The following FER1L5 variants were observed in gnomAD, a reference collection of about 807,000 sequenced individuals.
The protein encoded by FER1L5 is fer-1-like protein 5.
FER1L5 carries 187 observed loss-of-function variants against 279.9 expected under a neutral mutation model. The observed-to-expected ratio is 0.67, with a 90% CI of 0.59 to 0.75. The LOEUF is 0.75. Ranked by LOEUF, FER1L5 falls within the 30% of genes least tolerant of loss-of-function variation. The pLI is 0.00. For missense variants in FER1L5, 2,091 were observed against 2,594.4 expected (o/e 0.81, Z 4.21); for synonymous variants, 921 against 989.7 (o/e 0.93, Z 1.30).
chr2:96,662,402 A>C lies in FER1L5; in HGVS notation c.1071+135A>C, dbSNP rs1332074466. 9 of 817,248 alleles carry C rather than the reference A, an allele frequency of 1.1e-5. No homozygotes were observed. In the East Asian group the frequency reaches 2.4e-4, roughly 22 times the overall value. The allele number at this position is 817,248 out of a possible 1,614,324, so 50.6% of individuals were successfully genotyped here. ...CACTGAGAGAAGTATGCACCCCTGC[A>C]CCTGGAACTCTGTGCAGGCGGAGGC... On this transcript the variant is annotated intron_variant, in intron 13 of 52. Coordinates refer to ENST00000624922, the MANE Select transcript of FER1L5 (RefSeq NM_001293083.2).
chr2:96,703,903 C>G (rs1399249867), intron 51 of FER1L5, among the ~76,000 whole-genome samples: 1 of 149,984 alleles, frequency 6.7e-6, no homozygotes, highest in African/African-American at 2.5e-5. Flanking sequence ...GCAACCTCTG[C>G]CTCCTGGGTT....
In FER1L5 at chr2:96,647,853, G is replaced by C; in HGVS notation, c.306G>C (p.Leu102Phe). ...QPSEVLFVKD[L>F]TLLNHSMKPT... ...GTGAGGTCCTTTTTGTGAAGGACTT[G>C]ACCCTGCTCAACCATTCCATGAAGC... The change falls in exon 4 of 53, where the codon TTG becomes TTC. Residue 102 changes from leucine to phenylalanine, a missense_variant. Leu to Phe is a conservative substitution (Grantham distance 22). Transcript: ENST00000624922. The C allele has an allele frequency of 1.3e-6, 2 of 1,551,810 alleles. No individual in the cohort carries two copies. The highest frequency in any genetic ancestry group is 2.4e-5 in the South Asian group (2 of 84,060).
intron 13 of FER1L5, 57 bp from the exon 14 acceptor site, chr2:96,663,382 G>T: frequency 6.7e-7 from 1 of 1,485,664 alleles, no homozygotes; most frequent in Admixed American, 2.0e-5. Flanking sequence ...TGGAAGGTGA[G>T]GTCAGTGGAG....
chr2:96,659,425 CTTT>C (rs2075822107), intron 9 of FER1L5, among the ~76,000 whole-genome samples: 1 of 10,898 alleles, frequency 9.2e-5, no homozygotes, highest in East Asian at 2.1e-3. Context: ...TTCTTTCTTT[CTTT>C]CTTTCTTTCT....
At chr2:96,704,385 A>T (rs767427297) in intron 52 of FER1L5, 23 bp downstream of exon 52, 1 of 1,613,202 alleles carries the variant, frequency 6.2e-7, no homozygotes, top group East Asian at 2.2e-5. Flanking sequence ...CATGGGGGCA[A>T]GGACAAAGGT....
At chr2:96,686,892 C>T (rs1281660629) in intron 23 of FER1L5, among the ~76,000 whole-genome samples, 1 of 150,220 alleles carries the variant, frequency 6.7e-6, no homozygotes, top group East Asian at 1.9e-4. Flanking sequence ...GAAAACAAAT[C>T]CACCTCCTCT....
chr2:96,698,576 C>T lies in FER1L5; in HGVS notation c.4357-95C>T, dbSNP rs896694435. ...TCCCTGCCACCCTCAGCCCAACCCT[C>T]TCTCTCCTGAACATGGGCTGGGGCA... On this transcript the variant is annotated intron_variant, in intron 40 of 52. Transcript: ENST00000624922. The surrounding 1 kb of genome is among the most constrained non-coding windows in gnomAD (Gnocchi z 5.5). The T allele has an allele frequency of 1.0e-5, 11 of 1,084,956 alleles. No individual in the cohort carries two copies. The highest frequency in any genetic ancestry group is 3.0e-5 in the South Asian group (2 of 66,624). The allele number at this position is 1,084,956 out of a possible 1,614,324, so 67.2% of individuals were successfully genotyped here. A position where few individuals can be genotyped will look rare whatever the true frequency, so the allele number is the denominator to read the frequency against.
chr2:96,651,235 T>C (rs1036109194), intron 6 of FER1L5, among the ~76,000 whole-genome samples: 8 of 139,484 alleles, frequency 5.7e-5, no homozygotes, highest in African/African-American at 1.9e-4. Flanking sequence ...CTTTCTTTCT[T>C]TCTCTTTCTT....
In FER1L5 at chr2:96,691,682, G is replaced by GCCTGC; in HGVS notation, c.3075+71_3075+72insCTGCC. ...CCCAGAGAAGCCAGGGCCTGGCCTG[G>GCCTGC]CTGGGGCGCTGACTGCGGAGGAAGG... On this transcript the variant is annotated intron_variant, in intron 29 of 52. Coordinates refer to ENST00000624922, the MANE Select transcript of FER1L5 (RefSeq NM_001293083.2). The surrounding 1 kb of genome is among the most constrained non-coding windows in gnomAD (Gnocchi z 6.0). The GCCTGC allele has an allele frequency of 6.5e-7, 1 of 1,529,344 alleles. No individual in the cohort carries two copies. Among genetic ancestry groups the GCCTGC allele is most frequent in the Non-Finnish European group, 8.8e-7 (1 of 1,135,034 alleles). 94.7% of individuals were successfully genotyped at this position (1,529,344 alleles called of 1,614,324 possible). A position where few individuals can be genotyped will look rare whatever the true frequency, so the allele number is the denominator to read the frequency against.
At chr2:96,685,494 T>A in intron 21 of FER1L5, 65 bp downstream of exon 21, 1 of 1,380,450 alleles carries the variant, frequency 7.2e-7, no homozygotes, top group Non-Finnish European at 9.9e-7. Context: ...GCCTGGGGAC[T>A]CAGCGCAGTG....
intron 10 of FER1L5, among the ~76,000 whole-genome samples, chr2:96,661,056 C>T (rs1470501531): frequency 6.6e-6 from 1 of 152,168 alleles, no homozygotes; most frequent in East Asian, 1.9e-4. Flanking sequence ...TCTACAGTGC[C>T]TGGTTCCAGA....
At chr2:96,656,650 C>T (rs1453294499) in intron 9 of FER1L5, among the ~76,000 whole-genome samples, 2 of 152,000 alleles carry the variant, frequency 1.3e-5, no homozygotes, top group Non-Finnish European at 2.9e-5. Flanking sequence ...AAACAAAAAA[C>T]AAATCAGGAT....
At chr2:96,690,275 TGAG>T (rs1390337829) in intron 26 of FER1L5, among the ~76,000 whole-genome samples, 2 of 152,084 alleles carry the variant, frequency 1.3e-5, no homozygotes, top group African/African-American at 4.8e-5. Flanking sequence ...CCCTTTACAA[TGAG>T]GAGGAGCAGC....
chr2:96,669,894 G>A (rs865796462), intron 17 of FER1L5, among the ~76,000 whole-genome samples: 14 of 152,142 alleles, frequency 9.2e-5, no homozygotes, highest in South Asian at 4.1e-4. Flanking sequence ...GTGGGAGCAC[G>A]GTATTCCATG....
Position 96,646,431 on chromosome 2 carries a change from G to A in FER1L5, c.116G>A (p.Gly39Glu). 1 of 1,551,814 alleles carries A rather than the reference G, an allele frequency of 6.4e-7. No individual in the cohort carries two copies. The highest frequency in any genetic ancestry group is 1.4e-5 in the African/African-American group (1 of 73,142). The change falls in exon 2 of 53, where the codon GGG (glycine) becomes GAG (glutamate). Residue 39 changes from glycine to glutamate, a missense_variant. Physicochemically the swap from Gly to Glu is moderately conservative, Grantham distance 98. Coordinates refer to ENST00000624922, the MANE Select transcript of FER1L5 (RefSeq NM_001293083.2). ...AAGAAAAGAACTCGTGTGGTGGAAG[G>A]GAATGATCCCGTGTGGAATGAGGTA... ...DIKKRTRVVE[G>E]NDPVWNETLI... is the part of the protein sequence containing the mutation.
chr2:96,650,347 G>C, intron 6 of FER1L5, 58 bp downstream of exon 6: 2 of 1,428,522 alleles, frequency 1.4e-6, no homozygotes, highest in Non-Finnish European at 1.9e-6. Context: ...TGTTTGCTGT[G>C]TTCCCAGGCC....
chr2:96,664,353 C>A lies in FER1L5; in HGVS notation c.1140+846C>A, dbSNP rs150224034. Reference sequence around the variant, plus strand: ...CCTCCCTGTGATTCCTATTCCACCCCCTCCCATCCCCAGGCAACCAACAAT... The same window carrying A: ...CCTCCCTGTGATTCCTATTCCACCCACTCCCATCCCCAGGCAACCAACAAT... On this transcript the variant is annotated intron_variant, in intron 14 of 52. Transcript: ENST00000624922. 7.7e-4 allele frequency among the ~76,000 whole-genome samples: 117 copies of A among 152,274 alleles called. 1 individual carries two copies. In the East Asian group the frequency reaches 0.017, roughly 22 times the overall value.
intron 18 of FER1L5, among the ~76,000 whole-genome samples, chr2:96,671,106 C>CAAAAAA (rs750341048): frequency 2.7e-4 from 11 of 40,218 alleles, no homozygotes; most frequent in East Asian, 8.6e-4. Flanking sequence ...GACTCCATCT[C>CAAAAAA]AAAAAAAAAA....
chr2:96,697,894 C>T, intron 39 of FER1L5, 133 bp downstream of exon 39: 1 of 1,444,726 alleles, frequency 6.9e-7, no homozygotes. Context: ...GCTCCAGCTG[C>T]CACCCTGTCT....
Sources: gnomAD v4.1 joint callset for allele counts (sites outside exome capture counted in the v4.1 genomes callset) on GRCh38, gnomAD v4.1.1 for gene constraint, Gnocchi (gnomAD v3.1) non-coding constraint, MANE v1.5 for transcripts, NCBI Gene and HGNC (gene_info 2026-07-23, HGNC 2026-07-21) for gene names.